The following NRXN3 variants were observed in gnomAD, a reference collection of about 807,000 sequenced individuals.
The protein encoded by NRXN3 is neurexin 3, also known as neurexin III.
NRXN3 carries 32 observed loss-of-function variants against 137.6 expected under a neutral mutation model. The ratio of observed to expected loss-of-function variants is 0.23; its 90% CI spans 0.18 to 0.31. The LOEUF is 0.31. Among genes scored for constraint, NRXN3 ranks in the 10% least tolerant of loss-of-function variants. The pLI, the probability that NRXN3 is intolerant of heterozygous loss-of-function variation, is 1.00. For missense variants in NRXN3, 1,574 were observed against 2,062.5 expected, an observed-to-expected ratio of 0.76 and a Z score of 4.59; for synonymous variants, 798 against 784.5, an observed-to-expected ratio of 1.02 and a Z score of -0.29.
intron 10 of NRXN3, among the ~76,000 whole-genome samples, chr14:78,913,221 TTTTTTTC>T (rs1338533438): frequency 2.0e-5 from 3 of 151,560 alleles, no homozygotes; most frequent in South Asian, 2.1e-4. Context: ...ACCTCTAAGA[TTTTTTTC>T]TTTTTTCTTT....
At chr14:78,418,284 A>G (rs2093258009) in intron 4 of NRXN3, among the ~76,000 whole-genome samples, 1 of 152,208 alleles carries the variant, frequency 6.6e-6, no homozygotes, top group South Asian at 2.1e-4. Context: ...TGTGTTAGAA[A>G]TAAGTACAGC....
At chr14:79,133,738 A>G (rs2057872250) in intron 15 of NRXN3, among the ~76,000 whole-genome samples, 1 of 151,986 alleles carries the variant, frequency 6.6e-6, no homozygotes, top group Admixed American at 6.5e-5. Context: ...ATCCTGGCTA[A>G]CATGGTGAAA....
chr14:79,837,920 A>G (rs753380988), intron 20 of NRXN3, among the ~76,000 whole-genome samples: 2 of 152,056 alleles, frequency 1.3e-5, no homozygotes, highest in Non-Finnish European at 2.9e-5. Flanking sequence ...AATACCTTTT[A>G]TTTTCAATAT....
intron 4 of NRXN3, among the ~76,000 whole-genome samples, chr14:78,392,686 G>T (rs960739352): frequency 6.6e-6 from 1 of 152,016 alleles, no homozygotes; most frequent in Non-Finnish European, 1.5e-5. Context: ...CATGTAAAAT[G>T]GTCAATAAAT....
At chr14:78,314,348 T>A (rs777959134) in intron 4 of NRXN3, among the ~76,000 whole-genome samples, 3 of 152,206 alleles carry the variant, frequency 2.0e-5, no homozygotes, top group South Asian at 2.1e-4. Flanking sequence ...AGTGGCTTAA[T>A]GCTAACAAAA....
At chr14:78,188,560 C>T (rs2060442397) in intron 1 of NRXN3, among the ~76,000 whole-genome samples, 1 of 152,174 alleles carries the variant, frequency 6.6e-6, no homozygotes, top group South Asian at 2.1e-4. Flanking sequence ...AATTGCAGAT[C>T]TTGTAAGTAG....
intron 10 of NRXN3, among the ~76,000 whole-genome samples, chr14:78,902,477 G>A (rs1487706380): frequency 6.6e-6 from 1 of 151,880 alleles, no homozygotes; most frequent in African/African-American, 2.4e-5. Context: ...TGTTTTCTTG[G>A]AAAGATTCAA....
At chr14:79,221,469 C>T (rs942325330) in intron 15 of NRXN3, among the ~76,000 whole-genome samples, 7 of 152,076 alleles carry the variant, frequency 4.6e-5, no homozygotes, top group African/African-American at 9.7e-5. Context: ...GATGGTATCT[C>T]GTTGTGGTTT....
At chr14:79,328,014 G>C (rs2091147618) in intron 15 of NRXN3, among the ~76,000 whole-genome samples, 1 of 152,080 alleles carries the variant, frequency 6.6e-6, no homozygotes, top group African/African-American at 2.4e-5. Context: ...CTAGATGATG[G>C]GTTGATAGGT....
intron 1 of NRXN3, among the ~76,000 whole-genome samples, chr14:78,190,028 A>AG (rs1487874058): frequency 6.6e-6 from 1 of 152,224 alleles, no homozygotes; most frequent in Non-Finnish European, 1.5e-5. Context: ...TCATCTGAAT[A>AG]GGGTCTCATC....
intron 15 of NRXN3, among the ~76,000 whole-genome samples, chr14:79,189,052 A>G (rs1236497909): frequency 6.6e-6 from 1 of 152,000 alleles, no homozygotes; most frequent in Non-Finnish European, 1.5e-5. Context: ...TACCCAAAGG[A>G]CTATAAATCA....
intron 16 of NRXN3, among the ~76,000 whole-genome samples, chr14:79,493,251 T>C (rs2153659982): frequency 6.6e-6 from 1 of 152,320 alleles, no homozygotes; most frequent in East Asian, 1.9e-4. Flanking sequence ...TTTAGGGAAA[T>C]TGAGAGAGAT....
chr14:78,745,947 C>T (rs538088031), intron 8 of NRXN3, among the ~76,000 whole-genome samples: 2 of 152,254 alleles, frequency 1.3e-5, no homozygotes, highest in South Asian at 4.1e-4. Context: ...GCTATAATTA[C>T]CTACCTCATG....
intron 15 of NRXN3, among the ~76,000 whole-genome samples, chr14:79,389,996 A>G (rs2094787016): frequency 6.6e-6 from 1 of 152,174 alleles, no homozygotes; most frequent in African/African-American, 2.4e-5. Context: ...TGGAAATACC[A>G]TTGCAGATAC....
intron 15 of NRXN3, among the ~76,000 whole-genome samples, chr14:79,023,556 C>A (rs755415378): frequency 1.3e-5 from 2 of 151,902 alleles, no homozygotes; most frequent in Non-Finnish European, 2.9e-5. Flanking sequence ...TAAAGAAATA[C>A]CTGGGACTGG....
chr14:78,943,189 G>A (rs2099356459), intron 10 of NRXN3, among the ~76,000 whole-genome samples: 1 of 151,470 alleles, frequency 6.6e-6, no homozygotes, highest in Non-Finnish European at 1.5e-5. Context: ...GGGAGGGGAG[G>A]TTGCTCATGA....
chr14:79,833,002 G>A (rs1310061493), intron 20 of NRXN3, among the ~76,000 whole-genome samples: 1 of 152,108 alleles, frequency 6.6e-6, no homozygotes, highest in Admixed American at 6.6e-5. Context: ...TATTAAGTAG[G>A]AGAAACCTAC....
intron 1 of NRXN3, among the ~76,000 whole-genome samples, chr14:78,188,510 C>T (rs1449610116): frequency 6.6e-6 from 1 of 152,188 alleles, no homozygotes. Context: ...TAGACAACCA[C>T]TTTGGGGTCA....
At chr14:79,132,229 T>C (rs945430827) in intron 15 of NRXN3, among the ~76,000 whole-genome samples, 9 of 152,246 alleles carry the variant, frequency 5.9e-5, no homozygotes, top group Non-Finnish European at 1.0e-4. Flanking sequence ...TAAAAATTGA[T>C]ATTCAATTCA....
Sources: gnomAD v4.1 joint callset for allele counts (sites outside exome capture counted in the v4.1 genomes callset) on GRCh38, gnomAD v4.1.1 for gene constraint, MANE v1.5 for transcripts, NCBI Gene and HGNC (gene_info 2026-07-23, HGNC 2026-07-21) for gene names.